TMPRSS9: variants seen among roughly 807,000 people sequenced by gnomAD.
The protein encoded by TMPRSS9 is transmembrane serine protease 9.
TMPRSS9 carries 113 observed loss-of-function variants against 111.4 expected under a neutral mutation model. That is an observed-to-expected ratio of 1.01 (90% CI 0.87 to 1.19). The LOEUF (loss-of-function observed/expected upper bound fraction) is 1.19, where lower values mean the gene tolerates loss of function less well. TMPRSS9 is among the 50% of genes most tolerant of loss of function. The pLI is 0.00. For missense variants in TMPRSS9, 1,803 were observed against 1,513.1 expected, an observed-to-expected ratio of 1.19 and a Z score of -3.18; for synonymous variants, 805 against 659.1, an observed-to-expected ratio of 1.22 and a Z score of -3.39.
Position 2,425,352 on chromosome 19 carries a change from C to T in TMPRSS9, c.2984-5C>T. The T allele has an allele frequency of 6.7e-7, 1 of 1,490,952 alleles. No homozygotes were observed. Among genetic ancestry groups the T allele is most frequent in the Non-Finnish European group, 8.9e-7 (1 of 1,126,674 alleles). The allele number at this position is 1,490,952 out of a possible 1,614,324, so 92.4% of individuals were successfully genotyped here. On this transcript the variant is annotated splice_polypyrimidine_tract_variant and splice_region_variant and intron_variant, in intron 16 of 17. Coordinates refer to ENST00000648592, the Ensembl canonical transcript of TMPRSS9. Reference sequence around the variant, plus strand: ...ACCCGCCCCGTCTCGCTCGCCCGCCCGCAGGCTCCATGGCGCGGCAGCTGC... The same window carrying T: ...ACCCGCCCCGTCTCGCTCGCCCGCCTGCAGGCTCCATGGCGCGGCAGCTGC...
At chr19:2,394,522 T>A (rs1970667325) in intron 1 of TMPRSS9, among the ~76,000 whole-genome samples, 1 of 152,122 alleles carries the variant, frequency 6.6e-6, no homozygotes, top group Admixed American at 6.6e-5. Context: ...AATCTGCAGT[T>A]GTTTAGAGTA....
chr19:2,375,132 A>G (rs1179514583), intron 1 of TMPRSS9, among the ~76,000 whole-genome samples: 3 of 152,174 alleles, frequency 2.0e-5, no homozygotes, highest in Non-Finnish European at 2.9e-5. Context: ...TTGGCCACCA[A>G]GATGGAGGCC....
chr19:2,418,217 A>T, intron 13 of TMPRSS9, 79 bp downstream of exon 14: 1 of 1,423,886 alleles, frequency 7.0e-7, no homozygotes, highest in Non-Finnish European at 9.5e-7. Flanking sequence ...CTTTGTGTGC[A>T]GACCTAGATT....
exon 12 of TMPRSS9, chr19:2,416,682 G>A (rs759401729): frequency 1.3e-4 from 206 of 1,612,994 alleles, no homozygotes; most frequent in Non-Finnish European, 1.7e-4. Context: ...TGGCTGTCCT[G>A]GAGCTGGCCA....
At chr19:2,371,642 A>T (rs1172006229) in intron 1 of TMPRSS9, among the ~76,000 whole-genome samples, 1 of 152,132 alleles carries the variant, frequency 6.6e-6, no homozygotes, top group Non-Finnish European at 1.5e-5. Flanking sequence ...GGTTGCAGCG[A>T]GCCAACATCG....
At chr19:2,384,441 C>T (rs371941654) in intron 1 of TMPRSS9, among the ~76,000 whole-genome samples, 1 of 151,938 alleles carries the variant, frequency 6.6e-6, no homozygotes, top group Admixed American at 6.6e-5. Context: ...TTTGGGAGGC[C>T]GAGGCGAGCA....
chr19:2,393,261 A>G (rs777423211), intron 1 of TMPRSS9, among the ~76,000 whole-genome samples: 34 of 152,146 alleles, frequency 2.2e-4, no homozygotes, highest in Non-Finnish European at 4.1e-4. Context: ...ATGAGCTGTA[A>G]CACTCACTGT....
rs1192750241 is a variant in TMPRSS9 at position 2,425,901 on chromosome 19, A to G, written c.3121-26A>G. On this transcript the variant is annotated intron_variant, in intron 17 of 17. Transcript: ENST00000648592. Reference sequence around the variant, plus strand: ...GCTGTAGGGGAGGTACCGGCCTCTGAACCCCCTTTCTTCTCTCCCCAACAG... The same window carrying G: ...GCTGTAGGGGAGGTACCGGCCTCTGGACCCCCTTTCTTCTCTCCCCAACAG... 3.2e-6 allele frequency: 5 copies of G among 1,565,728 alleles called. No homozygotes were observed. In the East Asian group the frequency reaches 1.2e-4, roughly 36 times the overall value.
intron 1 of TMPRSS9, among the ~76,000 whole-genome samples, chr19:2,363,596 A>G (rs1428939887): frequency 6.6e-6 from 1 of 151,194 alleles, no homozygotes; most frequent in African/African-American, 2.4e-5. Context: ...TGGGTGATGG[A>G]GCTGGTGCTT....
Position 2,417,923 on chromosome 19 carries a change from C to T in TMPRSS9, c.2018-79C>T, listed in dbSNP as rs529632588. On this transcript the variant is annotated intron_variant, in intron 12 of 17. Coordinates refer to ENST00000648592, the Ensembl canonical transcript of TMPRSS9. ...TCTGTGGGGTGGGGATGCTGCATCT[C>T]GGGGCTGTTATCGGAGCGGAACTGG... 2.0e-5 allele frequency: 31 copies of T among 1,567,300 alleles called. No individual in the cohort carries two copies. The East Asian group carries it at 2.0e-4, about 10-fold the overall frequency.
At chr19:2,423,186 TCTCA>T (rs1029595568) in intron 14 of TMPRSS9, among the ~76,000 whole-genome samples, 1 of 151,312 alleles carries the variant, frequency 6.6e-6, no homozygotes, top group Non-Finnish European at 1.5e-5. Flanking sequence ...GCCTGGGGGC[TCTCA>T]CTTTCTCAGT....
At chr19:2,361,433 C>T (rs1970197595) in intron 1 of TMPRSS9, among the ~76,000 whole-genome samples, 1 of 151,712 alleles carries the variant, frequency 6.6e-6, no homozygotes, top group Admixed American at 6.6e-5. Context: ...GGAGCCTCTC[C>T]TCCCGCCCCA....
intron 10 of TMPRSS9, among the ~76,000 whole-genome samples, chr19:2,414,939 C>CTTT (rs1474701467): frequency 2.2e-4 from 31 of 141,440 alleles, no homozygotes; most frequent in African/African-American, 2.8e-4. Context: ...AGTTGCATTC[C>CTTT]TATTTTTTTT....
At chr19:2,363,813 C>CGT (rs200272996) in intron 1 of TMPRSS9, among the ~76,000 whole-genome samples, 12 of 112,854 alleles carry the variant, frequency 1.1e-4, no homozygotes, top group South Asian at 3.2e-4. Flanking sequence ...TGCGTGCGCG[C>CGT]GTGTGTGTGT....
chr19:2,372,019 C>T (rs1009604847), intron 1 of TMPRSS9, among the ~76,000 whole-genome samples: 26 of 152,134 alleles, frequency 1.7e-4, no homozygotes, highest in African/African-American at 5.1e-4. Flanking sequence ...TTATAGGCGC[C>T]CGCCACCATG....
intron 4 of TMPRSS9, among the ~76,000 whole-genome samples, chr19:2,401,012 C>T (rs62120708): frequency 0.063 from 9,411 of 148,946 alleles, 383 homozygotes; most frequent in East Asian, 0.23. Flanking sequence ...CGGTGGCTTA[C>T]GCCTGTAATC....
At chr19:2,411,429 A>C (rs1599305134) in intron 9 of TMPRSS9, among the ~76,000 whole-genome samples, 4 of 118,476 alleles carry the variant, frequency 3.4e-5, no homozygotes, top group Admixed American at 1.0e-4. Flanking sequence ...ATGGAGTCTC[A>C]CTCTGTCACC....
intron 1 of TMPRSS9, among the ~76,000 whole-genome samples, chr19:2,394,432 A>G (rs1057014144): frequency 2.6e-5 from 4 of 152,184 alleles, no homozygotes; most frequent in African/African-American, 9.7e-5. Flanking sequence ...AGCCCTTCGC[A>G]AACAGCTCAC....
upstream of TMPRSS9, among the ~76,000 whole-genome samples, chr19:2,385,353 C>T (rs183216410): frequency 4.6e-3 from 706 of 152,256 alleles, 8 homozygotes; most frequent in African/African-American, 0.015. Flanking sequence ...GGGATCCATG[C>T]GACACAGGCA....
Sources: allele counts gnomAD v4.1 joint callset (sites outside exome capture counted in the v4.1 genomes callset), GRCh38; gene constraint gnomAD v4.1.1; transcripts MANE v1.5; gene names NCBI Gene and HGNC (gene_info 2026-07-23, HGNC 2026-07-21).